Variants in TNR observed in about 807,000 individuals in gnomAD.
TNR encodes tenascin-R.
Under a neutral mutation model 150.4 loss-of-function variants are expected in TNR, and 45 were observed. That is an observed-to-expected ratio of 0.30 (90% CI 0.24 to 0.38). TNR has a LOEUF of 0.38. TNR is among the 10% of genes least tolerant of loss of function. The probability of loss-of-function intolerance (pLI) is 1.00; values close to 1 mark genes in which losing one functional copy is unlikely to be tolerated. For synonymous variants in TNR, 687 were observed against 678.4 expected (o/e 1.01, Z -0.20); for missense variants, 1,544 against 1,759.1 (o/e 0.88, Z 2.19).
At chr1:175,568,951 C>CT (rs951137660) in intron 1 of TNR, among the ~76,000 whole-genome samples, 112 of 148,020 alleles carry the variant, frequency 7.6e-4, no homozygotes, top group African/African-American at 1.8e-3. Flanking sequence ...GCCCTGTCCA[C>CT]TTTTTTTTTT....
At chr1:175,650,154 T>G (rs1312170730) in intron 1 of TNR, among the ~76,000 whole-genome samples, 1 of 152,100 alleles carries the variant, frequency 6.6e-6, no homozygotes, top group Admixed American at 6.5e-5. Context: ...GGTAGATCAC[T>G]TGAAGTCCTG....
chr1:175,480,791 C>G (rs1657774106), intron 2 of TNR, among the ~76,000 whole-genome samples: 1 of 152,298 alleles, frequency 6.6e-6, no homozygotes, highest in African/African-American at 2.4e-5. Flanking sequence ...TGACCTCCCT[C>G]TTTTCTCCAA....
chr1:175,597,168 G>T (rs1037482609), intron 1 of TNR, among the ~76,000 whole-genome samples: 1 of 152,160 alleles, frequency 6.6e-6, no homozygotes, highest in African/African-American at 2.4e-5. Context: ...TGACATCCCT[G>T]CGAGGCAGGT....
Position 175,324,492 on chromosome 1 carries a change from C to A in TNR, c.3821G>T (p.Arg1274Leu), listed in dbSNP as rs774885923. 4 of 1,613,834 alleles carry A rather than the reference C, an allele frequency of 2.5e-6. No individual in the cohort carries two copies. The highest frequency in any genetic ancestry group is 1.1e-5 in the South Asian group (1 of 91,058). ...GTCTCTATCCTCTGTGGAGAAAGGG[C>A]GTCCTTGATGATAGCTGAGGGAGTC... is the stretch of plus-strand genomic sequence containing the variant. Reference protein sequence around the residue: ...AGDSLSYHQGRPFSTEDRDND... With the variant: ...AGDSLSYHQGLPFSTEDRDND... The change falls in exon 22 of 23, where the codon CGC (arginine) becomes CTC (leucine). Residue 1274 changes from arginine to leucine, a missense_variant. This residue lies in a region of TNR where 290 missense variants were observed against 429.7 expected (regional missense o/e 0.67). Transcript: ENST00000367674.
chr1:175,469,555 T>TG (rs1476991996), intron 2 of TNR, among the ~76,000 whole-genome samples: 1 of 151,794 alleles, frequency 6.6e-6, no homozygotes, highest in Non-Finnish European at 1.5e-5. Context: ...TCCCAACTGT[T>TG]GGGAAGAGAC....
chr1:175,696,223 T>TTTTTTTTTGTTGTTG (rs1666514665), intron 1 of TNR, among the ~76,000 whole-genome samples: 1 of 126,148 alleles, frequency 7.9e-6, no homozygotes, highest in Non-Finnish European at 1.6e-5. Context: ...TGTAGTTTTT[T>TTTTTTTTTGTTGTTG]TTTTTTTTTT....
chr1:175,542,242 C>T (rs1022663315), intron 1 of TNR, among the ~76,000 whole-genome samples: 4 of 152,156 alleles, frequency 2.6e-5, no homozygotes, highest in African/African-American at 4.8e-5. Flanking sequence ...CTCTGTCTCT[C>T]CTCAAAAATA....
At chr1:175,626,447 C>T (rs1379337428) in intron 1 of TNR, among the ~76,000 whole-genome samples, 2 of 152,152 alleles carry the variant, frequency 1.3e-5, no homozygotes, top group Non-Finnish European at 2.9e-5. Flanking sequence ...CTCTCTTCTG[C>T]CTTCTGGGTG....
chr1:175,372,130 G>A (rs908372346), intron 9 of TNR, among the ~76,000 whole-genome samples: 5 of 151,896 alleles, frequency 3.3e-5, no homozygotes, highest in Non-Finnish European at 7.4e-5. Context: ...TGTGTGATGC[G>A]CGGGCTACTC....
chr1:175,406,869 G>A (rs1653988873), intron 2 of TNR, 92 bp from the exon 3 acceptor site: 4 of 931,634 alleles, frequency 4.3e-6, no homozygotes, highest in Middle Eastern at 2.3e-4. Context: ...GGAGTAGGCA[G>A]CCAGAGATTT....
chr1:175,489,172 A>C (rs1294664476), intron 2 of TNR, among the ~76,000 whole-genome samples: 1 of 152,162 alleles, frequency 6.6e-6, no homozygotes, highest in Admixed American at 6.5e-5. Flanking sequence ...CCAAAAACTT[A>C]ACAGTCCAAG....
intron 2 of TNR, among the ~76,000 whole-genome samples, chr1:175,483,689 G>C (rs1226637419): frequency 1.3e-5 from 2 of 152,216 alleles, no homozygotes; most frequent in African/African-American, 4.8e-5. Flanking sequence ...GGTTAGAGAT[G>C]AGTTATCAGG....
At chr1:175,578,170 G>C (rs767577924) in intron 1 of TNR, among the ~76,000 whole-genome samples, 2 of 152,138 alleles carry the variant, frequency 1.3e-5, no homozygotes, top group Non-Finnish European at 2.9e-5. Flanking sequence ...GTGGAGTTTA[G>C]TAGGTTCCAC....
At chr1:175,487,796 G>T (rs1198571719) in intron 2 of TNR, among the ~76,000 whole-genome samples, 1 of 152,152 alleles carries the variant, frequency 6.6e-6, no homozygotes, top group Admixed American at 6.5e-5. Context: ...AAAAGGTAGT[G>T]CCTCTTGTTT....
chr1:175,547,998 G>A (rs546492660), intron 1 of TNR, among the ~76,000 whole-genome samples: 4 of 152,210 alleles, frequency 2.6e-5, no homozygotes, highest in Admixed American at 6.5e-5. Flanking sequence ...AGGTAGCTGC[G>A]TGAAAGGTGG....
At chr1:175,730,307 A>C (rs147167092) in intron 1 of TNR, among the ~76,000 whole-genome samples, 261 of 152,262 alleles carry the variant, frequency 1.7e-3, no homozygotes, top group African/African-American at 5.7e-3. Flanking sequence ...TCCTTTGTGG[A>C]ACTTAATAAG....
At chr1:175,656,185 TGTGTGTATGTGG>T (rs1307403171) in intron 1 of TNR, among the ~76,000 whole-genome samples, 18 of 145,794 alleles carry the variant, frequency 1.2e-4, no homozygotes, top group African/African-American at 4.9e-4. Flanking sequence ...TGTGTGTGTG[TGTGTGTATGTGG>T]TCTACCTTTT....
At chr1:175,686,703 C>T (rs1165505294) in intron 1 of TNR, among the ~76,000 whole-genome samples, 1 of 152,092 alleles carries the variant, frequency 6.6e-6, no homozygotes, top group Non-Finnish European at 1.5e-5. Context: ...CATTTGTACC[C>T]ATTGTTTAGT....
chr1:175,362,838 A>C (rs1461509784), intron 13 of TNR, 29 bp from the exon 14 acceptor site: 1 of 1,612,924 alleles, frequency 6.2e-7, no homozygotes, highest in South Asian at 1.1e-5. Flanking sequence ...TACAGTTAAA[A>C]TTCAGCAGCC....
Sources: gnomAD v4.1 joint callset for allele counts (sites outside exome capture counted in the v4.1 genomes callset) on GRCh38, gnomAD v4.1.1 for gene constraint, gnomAD v4.1.1 regional missense constraint, MANE v1.5 for transcripts, NCBI Gene and HGNC (gene_info 2026-07-23, HGNC 2026-07-21) for gene names.